The following PTPRM variants were observed in gnomAD, a reference collection of about 807,000 sequenced individuals.
PTPRM encodes protein tyrosine phosphatase receptor type M, also known as receptor-type tyrosine-protein phosphatase mu.
Under a neutral mutation model 186.7 loss-of-function variants are expected in PTPRM, and 47 were observed. The ratio of observed to expected loss-of-function variants is 0.25; its 90% confidence interval spans 0.20 to 0.32. PTPRM has a LOEUF of 0.32. PTPRM is among the 10% of genes least tolerant of loss of function. The pLI is 1.00. For synonymous variants in PTPRM, 668 were observed against 674.9 expected (o/e 0.99, Z 0.16); for missense variants, 1,494 against 1,865.0 (o/e 0.80, Z 3.66).
intron 2 of PTPRM, among the ~76,000 whole-genome samples, chr18:7,856,643 C>T (rs1599091159): frequency 2.0e-5 from 3 of 151,446 alleles, no homozygotes; most frequent in Non-Finnish European, 2.9e-5. Context: ...ACTCTGGAGG[C>T]TGAGGCAAGA....
intron 1 of PTPRM, among the ~76,000 whole-genome samples, chr18:7,677,998 G>T (rs1489267081): frequency 6.6e-6 from 1 of 152,134 alleles, no homozygotes; most frequent in African/African-American, 2.4e-5. Flanking sequence ...GGGCACCTGA[G>T]TGTATGGCAG....
At chr18:7,699,727 GTTTT>G (rs57074624) in intron 1 of PTPRM, among the ~76,000 whole-genome samples, 1 of 148,988 alleles carries the variant, frequency 6.7e-6, no homozygotes, top group Non-Finnish European at 1.5e-5. Context: ...TAACTTACAA[GTTTT>G]TTTTTTTTTT....
chr18:8,253,173 G>A, intron 18 of PTPRM, 54 bp from the exon 19 acceptor site: 1 of 1,302,670 alleles, frequency 7.7e-7, no homozygotes, highest in Admixed American at 3.6e-5. Context: ...TCTCAGTGAT[G>A]CCGACCTAGC....
At chr18:7,838,181 C>A (rs1048436049) in intron 2 of PTPRM, among the ~76,000 whole-genome samples, 1 of 152,158 alleles carries the variant, frequency 6.6e-6, no homozygotes, top group East Asian at 1.9e-4. Context: ...GAAGGGGAAG[C>A]AAACACATCC....
intron 1 of PTPRM, among the ~76,000 whole-genome samples, chr18:7,700,356 A>G (rs2144702753): frequency 6.6e-6 from 1 of 151,356 alleles, no homozygotes; most frequent in Middle Eastern, 3.4e-3. Context: ...AGTGTGAGCA[A>G]GATTTGGGTA....
chr18:7,573,827 G>A (rs565266245), intron 1 of PTPRM, among the ~76,000 whole-genome samples: 2 of 152,274 alleles, frequency 1.3e-5, no homozygotes, highest in African/African-American at 4.8e-5. Flanking sequence ...CTGACCTCAG[G>A]TGATCCTCCT....
intron 21 of PTPRM, 70 bp downstream of exon 21, chr18:8,314,927 G>C: frequency 5.0e-6 from 5 of 994,282 alleles, no homozygotes; most frequent in Non-Finnish European, 7.5e-6. Flanking sequence ...ATGATATTTT[G>C]ATACATGTAT....
At chr18:7,592,175 C>T (rs940616177) in intron 1 of PTPRM, among the ~76,000 whole-genome samples, 1 of 152,102 alleles carries the variant, frequency 6.6e-6, no homozygotes, top group African/African-American at 2.4e-5. Flanking sequence ...AGCAGTCAGA[C>T]TTGTTTTAAA....
intron 7 of PTPRM, among the ~76,000 whole-genome samples, chr18:7,984,739 A>G (rs1746746889): frequency 7.1e-6 from 1 of 141,240 alleles, no homozygotes; most frequent in Non-Finnish European, 1.5e-5. Flanking sequence ...AAATATATAC[A>G]TATAAAATTA....
At chr18:8,373,883 T>TG (rs77825900) in intron 24 of PTPRM, among the ~76,000 whole-genome samples, 1 of 146,954 alleles carries the variant, frequency 6.8e-6, no homozygotes, top group African/African-American at 2.5e-5. Context: ...AGACCCTGTC[T>TG]CGGAAAAAAA....
chr18:8,263,844 A>G (rs180837056), intron 19 of PTPRM, among the ~76,000 whole-genome samples: 1 of 152,352 alleles, frequency 6.6e-6, no homozygotes, highest in Admixed American at 6.5e-5. Context: ...ACCCAGTCCT[A>G]CGCACCTGTT....
At chr18:7,735,435 GCAAA>G (rs1050482885) in intron 1 of PTPRM, among the ~76,000 whole-genome samples, 18 of 151,246 alleles carry the variant, frequency 1.2e-4, no homozygotes, top group Non-Finnish European at 2.1e-4. Flanking sequence ...AAGCAAGCAA[GCAAA>G]CAAACAAACA....
At chr18:8,061,378 A>C (rs2088490684) in intron 7 of PTPRM, among the ~76,000 whole-genome samples, 1 of 141,542 alleles carries the variant, frequency 7.1e-6, no homozygotes, top group African/African-American at 2.8e-5. Context: ...TTTCCTGAAT[A>C]CAGCACACTG....
At chr18:8,028,149 C>A (rs1435740507) in intron 7 of PTPRM, among the ~76,000 whole-genome samples, 2 of 152,198 alleles carry the variant, frequency 1.3e-5, no homozygotes, top group African/African-American at 4.8e-5. Context: ...ATTACTGGCA[C>A]GTGCCACCAC....
At chr18:7,811,604 T>C (rs1347030813) in intron 2 of PTPRM, among the ~76,000 whole-genome samples, 1 of 152,098 alleles carries the variant, frequency 6.6e-6, no homozygotes, top group Non-Finnish European at 1.5e-5. Context: ...AGCTCAAGCA[T>C]TTCTCCCATC....
intron 1 of PTPRM, among the ~76,000 whole-genome samples, chr18:7,581,409 G>A (rs1257274028): frequency 6.6e-6 from 1 of 152,170 alleles, no homozygotes; most frequent in African/African-American, 2.4e-5. Context: ...AGAGTAGATA[G>A]TACCTGGACG....
chr18:7,831,885 T>C (rs1424766276), intron 2 of PTPRM, among the ~76,000 whole-genome samples: 1 of 152,220 alleles, frequency 6.6e-6, no homozygotes, highest in African/African-American at 2.4e-5. Flanking sequence ...AAGGTTTTTC[T>C]TTCTGTGCCT....
At chr18:7,680,973 T>G (rs1195860141) in intron 1 of PTPRM, among the ~76,000 whole-genome samples, 2 of 152,172 alleles carry the variant, frequency 1.3e-5, no homozygotes, top group African/African-American at 4.8e-5. Context: ...AAGAGCTGTT[T>G]GGATCTTGGA....
chr18:8,387,313 T>A, intron 31 of PTPRM, 78 bp downstream of exon 31: 1 of 1,406,456 alleles, frequency 7.1e-7, no homozygotes, highest in Non-Finnish European at 9.7e-7. Context: ...CTCTGACTTT[T>A]GTTTCACTAG....
Sources: gnomAD v4.1 joint callset for allele counts (sites outside exome capture counted in the v4.1 genomes callset) on GRCh38, gnomAD v4.1.1 for gene constraint, MANE v1.5 for transcripts, NCBI Gene and HGNC (gene_info 2026-07-23, HGNC 2026-07-21) for gene names.